Variants in DCTN5 observed in about 807,000 individuals in gnomAD.
DCTN5 encodes dynactin subunit 5, also known as dynactin 4.
In DCTN5, 14 loss-of-function variants were observed where a neutral mutation model predicts 23.5. That is an observed-to-expected ratio of 0.60 (90% CI 0.39 to 0.93). The LOEUF (loss-of-function observed/expected upper bound fraction) is 0.93. Among genes scored for constraint, DCTN5 ranks in the 40% least tolerant of loss-of-function variants. The pLI is 0.00. For missense variants in DCTN5, 156 were observed against 225.9 expected (o/e 0.69, Z 1.98); for synonymous variants, 67 against 79.6 (o/e 0.84, Z 0.84).
chr16:23,644,593 C>T (rs1162207103), intron 2 of DCTN5, among the ~76,000 whole-genome samples: 1 of 151,750 alleles, frequency 6.6e-6, no homozygotes, highest in South Asian at 2.1e-4. Context: ...AGCCACCGCG[C>T]CTGGCCTAAT....
intron 2 of DCTN5, among the ~76,000 whole-genome samples, chr16:23,653,951 G>C (rs777405910): frequency 6.6e-6 from 1 of 152,160 alleles, no homozygotes; most frequent in Non-Finnish European, 1.5e-5. Context: ...CAACATCACT[G>C]ATCATTAGAG....
chr16:23,646,789 T>C (rs1025659168), intron 2 of DCTN5, among the ~76,000 whole-genome samples: 1 of 152,134 alleles, frequency 6.6e-6, no homozygotes, highest in African/African-American at 2.4e-5. Context: ...TTGGTCAGGC[T>C]GGTCTCAAAC....
chr16:23,643,161 A>C, intron 2 of DCTN5, 138 bp downstream of exon 2: 1 of 704,052 alleles, frequency 1.4e-6, no homozygotes, highest in Non-Finnish European at 2.3e-6. Flanking sequence ...TAAATTTTTT[A>C]TTTTGTAAAT....
At chr16:23,643,739 A>G (rs1019845185) in intron 2 of DCTN5, among the ~76,000 whole-genome samples, 3 of 152,124 alleles carry the variant, frequency 2.0e-5, no homozygotes, top group Admixed American at 6.5e-5. Flanking sequence ...AACTCTTAAA[A>G]CGAATGTGAC....
intron 2 of DCTN5, chr16:23,650,764 C>G: frequency 6.5e-7 from 1 of 1,534,908 alleles, no homozygotes; most frequent in Non-Finnish European, 8.7e-7. Context: ...AGAACTTTGT[C>G]ATTTCTGTTT....
intron 4 of DCTN5, among the ~76,000 whole-genome samples, chr16:23,663,533 G>T (rs551450431): frequency 6.6e-6 from 1 of 152,232 alleles, no homozygotes; most frequent in African/African-American, 2.4e-5. Context: ...GGCCAACATG[G>T]TGAAACCCCG....
chr16:23,643,097 T>C, intron 2 of DCTN5, 74 bp downstream of exon 2: 2 of 1,243,020 alleles, frequency 1.6e-6, no homozygotes, highest in Non-Finnish European at 1.2e-6. Context: ...GCAGGGCAGA[T>C]AAAATGTTGC....
chr16:23,665,478 C>T, intron 4 of DCTN5, 148 bp from the exon 5 acceptor site: 4 of 669,784 alleles, frequency 6.0e-6, no homozygotes, highest in Admixed American at 3.1e-5. Context: ...GCCTCCTTCT[C>T]GTCAGGTACC....
At chr16:23,657,214 G>T (rs1349126603) in intron 2 of DCTN5, among the ~76,000 whole-genome samples, 1 of 152,150 alleles carries the variant, frequency 6.6e-6, no homozygotes, top group Non-Finnish European at 1.5e-5. Context: ...CACTTTGGGA[G>T]GTCAAAGTTG....
intron 2 of DCTN5, among the ~76,000 whole-genome samples, chr16:23,652,493 A>G (rs768565067): frequency 2.0e-5 from 3 of 152,240 alleles, no homozygotes; most frequent in African/African-American, 4.8e-5. Context: ...ACTAAAACCA[A>G]TCATCTTTAT....
intron 2 of DCTN5, among the ~76,000 whole-genome samples, chr16:23,654,844 G>C (rs1055404357): frequency 6.6e-6 from 1 of 152,100 alleles, no homozygotes; most frequent in South Asian, 2.1e-4. Context: ...GAGTGAGAAC[G>C]TGTGATATAT....
chr16:23,656,915 T>A (rs1220967768), intron 2 of DCTN5, among the ~76,000 whole-genome samples: 1 of 149,900 alleles, frequency 6.7e-6, no homozygotes, highest in Non-Finnish European at 1.5e-5. Context: ...TGCTTGAGCC[T>A]GGGAGGCGGG....
intron 2 of DCTN5, among the ~76,000 whole-genome samples, chr16:23,655,977 C>T (rs566916161): frequency 2.6e-5 from 4 of 152,286 alleles, no homozygotes; most frequent in Non-Finnish European, 4.4e-5. Context: ...GGAATCCTAG[C>T]ACTTGGGAGG....
intron 2 of DCTN5, among the ~76,000 whole-genome samples, chr16:23,643,893 G>C (rs1478469376): frequency 6.6e-6 from 1 of 152,004 alleles, no homozygotes; most frequent in Non-Finnish European, 1.5e-5. Context: ...ATTTGAGCTT[G>C]ACAAACAGTG....
At chr16:23,654,133 A>G (rs1967656270) in intron 2 of DCTN5, among the ~76,000 whole-genome samples, 2 of 152,212 alleles carry the variant, frequency 1.3e-5, no homozygotes, top group African/African-American at 2.4e-5. Flanking sequence ...TCAGAGACCT[A>G]AAGACAGAAA....
Position 23,661,264 on chromosome 16 carries a change from G to C in DCTN5, c.331G>C (p.Gly111Arg). The C allele has an allele frequency of 6.2e-7, 1 of 1,611,416 alleles. No homozygotes were observed. Among genetic ancestry groups the C allele is most frequent in the Non-Finnish European group, 8.5e-7 (1 of 1,178,756 alleles). Residue 111 changes from glycine (G) to arginine (R), a missense_variant, in exon 4 of 6, where the codon GGG becomes CGG. Physicochemically the swap from Gly to Arg is moderately radical, Grantham distance 125. Around this residue, in one of 2 missense-constraint regions of DCTN5, gnomAD observed 153 missense variants for 206.8 expected, o/e 0.74. Transcript: ENST00000300087. ...ACAGATTGGTTCCTATGTTCATGTT[G>C]GGAAGAACTGTGTGATTGTGAGTAT... ...AAQIGSYVHVGKNCVIGRRCV... is the reference protein window; with the variant it reads ...AAQIGSYVHVRKNCVIGRRCV...
Position 23,671,308 on chromosome 16 carries a change from G to C in DCTN5, c.*4164G>C, listed in dbSNP as rs74500595. ...GCACTCAATAAACGGCAGTTTATTA[G>C]GCACTTTTATTAGGAAGTGATACAC... On this transcript the variant is annotated 3_prime_UTR_variant, in exon 6 of 6. Transcript: ENST00000300087. 3.9e-5 allele frequency: 3 copies of C among 75,970 alleles called. No individual in the cohort carries two copies. Among genetic ancestry groups the C allele is most frequent in the Non-Finnish European group, 5.4e-5 (2 of 37,106 alleles). 4.7% of individuals were successfully genotyped at this position (75,970 alleles called of 1,614,324 possible). A position where few individuals can be genotyped will look rare whatever the true frequency, so the allele number is the denominator to read the frequency against.
At chr16:23,659,466 C>T (rs1967771515) in intron 3 of DCTN5, among the ~76,000 whole-genome samples, 1 of 152,202 alleles carries the variant, frequency 6.6e-6, no homozygotes, top group African/African-American at 2.4e-5. Context: ...ATGCCTGCAG[C>T]TGGGTTGTAA....
chr16:23,666,850 T>G (rs1302313458), intron 5 of DCTN5, 197 bp from the exon 6 acceptor site: 1 of 759,812 alleles, frequency 1.3e-6, no homozygotes, highest in Non-Finnish European at 2.0e-6. Flanking sequence ...TTTTGTTTAG[T>G]AATTTCTCCA....
Sources: allele counts gnomAD v4.1 joint callset (sites outside exome capture counted in the v4.1 genomes callset), GRCh38; gene constraint gnomAD v4.1.1; regional missense constraint gnomAD v4.1.1; transcripts MANE v1.5; gene names NCBI Gene and HGNC (gene_info 2026-07-23, HGNC 2026-07-21).